Variants in ITCH observed in about 807,000 individuals in gnomAD.
ITCH encodes itchy E3 ubiquitin protein ligase.
In ITCH, 28 loss-of-function variants were observed where a neutral mutation model predicts 126.8. That is an observed-to-expected ratio of 0.22 (90% CI 0.16 to 0.30). The LOEUF is 0.30. ITCH is among the 10% of genes least tolerant of loss of function. ITCH has a pLI of 1.00. For synonymous variants in ITCH, 342 were observed against 340.0 expected (o/e 1.01, Z -0.06); for missense variants, 631 against 1,032.4 (o/e 0.61, Z 5.33).
At position 34,456,214 on chromosome 20, in the gene ITCH, A is replaced by ATT. The variant is rs1174099069; in HGVS notation, c.1211-1149_1211-1148dup. On this transcript the variant is annotated intron_variant, in intron 12 of 24. Transcript: ENST00000374864. Reference sequence around the variant, plus strand: ...TATATATATATATATATATATATATATTTTTTTTTTTTTTTTTTTTTTTTT... The same window carrying ATT: ...TATATATATATATATATATATATATATTTTTTTTTTTTTTTTTTTTTTTTTTT... 8.5e-4 allele frequency among the ~76,000 whole-genome samples: 15 copies of ATT among 17,718 alleles called. 3 individuals carry two copies. Among genetic ancestry groups the ATT allele is most frequent in the Admixed American group, 1.2e-3 (1 of 860 alleles). The allele number at this position is 17,718 out of a possible 152,430, so 11.6% of individuals were successfully genotyped here.
chr20:34,376,039 T>G (rs2037831410), intron 2 of ITCH, among the ~76,000 whole-genome samples: 2 of 152,062 alleles, frequency 1.3e-5, no homozygotes, highest in South Asian at 4.1e-4. Flanking sequence ...GTAAGAAATT[T>G]TTATTGTTAA....
chr20:34,510,161 A>C lies in ITCH; in HGVS notation c.*2367A>C, dbSNP rs1978617370. On this transcript the variant is annotated 3_prime_UTR_variant, in exon 25 of 25. Transcript: ENST00000374864. ...TTGCAGCCTGGGATCTCCCTACTCC[A>C]TTTTTTCCTTTAATTTAAGTGGCCA... The C allele has an allele frequency of 6.6e-6, 1 of 152,396 alleles. No homozygotes were observed. The highest frequency in any genetic ancestry group is 6.6e-5 in the Admixed American group (1 of 15,258). 9.4% of individuals were successfully genotyped at this position (152,396 alleles called of 1,614,324 possible). A position where few individuals can be genotyped will look rare whatever the true frequency, so the allele number is the denominator to read the frequency against.
At chr20:34,472,975 A>G (rs903261656) in intron 16 of ITCH, among the ~76,000 whole-genome samples, 5 of 152,214 alleles carry the variant, frequency 3.3e-5, no homozygotes, top group Non-Finnish European at 5.9e-5. Context: ...AAGATGCAAA[A>G]CATGATTAAA....
intron 3 of ITCH, among the ~76,000 whole-genome samples, chr20:34,397,738 C>T (rs773179961): frequency 1.3e-5 from 2 of 151,784 alleles, no homozygotes; most frequent in Non-Finnish European, 2.9e-5. Flanking sequence ...TTTTTTTCCC[C>T]ACCCCTCATC....
chr20:34,423,408 G>C (rs1981060746), intron 6 of ITCH, among the ~76,000 whole-genome samples: 2 of 152,136 alleles, frequency 1.3e-5, no homozygotes, highest in Non-Finnish European at 2.9e-5. Flanking sequence ...CACCAATTAT[G>C]CTTTTTTGTA....
chr20:34,471,298 G>A (rs1987598920), intron 15 of ITCH, 146 bp from the exon 16 acceptor site: 1 of 658,650 alleles, frequency 1.5e-6, no homozygotes, highest in Non-Finnish European at 2.7e-6. Context: ...CAGATGCATT[G>A]GTAAACATTA....
intron 6 of ITCH, among the ~76,000 whole-genome samples, chr20:34,421,673 C>G (rs1305676594): frequency 6.6e-6 from 1 of 152,034 alleles, no homozygotes; most frequent in Non-Finnish European, 1.5e-5. Context: ...TTATGCCATA[C>G]ATTTCATAGT....
At chr20:34,375,549 C>G (rs1385242321) in intron 2 of ITCH, among the ~76,000 whole-genome samples, 5 of 151,696 alleles carry the variant, frequency 3.3e-5, no homozygotes, top group African/African-American at 4.8e-5. Context: ...GCCTGGATAA[C>G]ATAGTGAGAC....
At position 34,507,902 on chromosome 20, in the gene ITCH, T is replaced by A. The variant is rs1978336792; in HGVS notation, c.*108T>A. 5.1e-6 allele frequency: 4 copies of A among 781,374 alleles called. No individual in the cohort carries two copies. In the South Asian group the frequency reaches 5.7e-5, roughly 11 times the overall value. The allele number at this position is 781,374 out of a possible 1,614,324, so 48.4% of individuals were successfully genotyped here. A position where few individuals can be genotyped will look rare whatever the true frequency, so the allele number is the denominator to read the frequency against. ...TGGACAATGGCTCTTTAGAGAGTTA[T>A]CTGAGTGTAAGTAAATTAATGTTCT... On this transcript the variant is annotated 3_prime_UTR_variant, in exon 25 of 25. Transcript: ENST00000374864.
chr20:34,462,018 C>T, intron 13 of ITCH, 75 bp from the exon 14 acceptor site: 1 of 1,420,334 alleles, frequency 7.0e-7, no homozygotes, highest in Non-Finnish European at 9.9e-7. Context: ...TGTTTATTGA[C>T]ATTTGTAGCT....
At chr20:34,391,013 A>G (rs2038470829) in intron 2 of ITCH, among the ~76,000 whole-genome samples, 1 of 152,190 alleles carries the variant, frequency 6.6e-6, no homozygotes, top group African/African-American at 2.4e-5. Flanking sequence ...TTGGCCTCCC[A>G]GAGTGCTGGG....
intron 7 of ITCH, among the ~76,000 whole-genome samples, chr20:34,429,030 C>T (rs1981935663): frequency 1.3e-5 from 2 of 152,076 alleles, no homozygotes; most frequent in South Asian, 2.1e-4. Context: ...CTCCACCTCC[C>T]GGATTCAAGT....
intron 1 of ITCH, among the ~76,000 whole-genome samples, chr20:34,368,018 C>G (rs2037481434): frequency 6.6e-6 from 1 of 152,092 alleles, no homozygotes; most frequent in Non-Finnish European, 1.5e-5. Context: ...TGCCTGTAAT[C>G]CCAGCATTTT....
intron 13 of ITCH, among the ~76,000 whole-genome samples, chr20:34,461,684 C>G (rs1168841469): frequency 3.5e-5 from 5 of 143,206 alleles, no homozygotes; most frequent in Non-Finnish European, 7.5e-5. Flanking sequence ...GCACTCCAGC[C>G]TGGGCGACAG....
chr20:34,416,910 G>GC (rs1555864379), intron 6 of ITCH, among the ~76,000 whole-genome samples: 1 of 109,888 alleles, frequency 9.1e-6, no homozygotes, highest in Non-Finnish European at 1.8e-5. Context: ...CCTCTTCCTA[G>GC]CTTTTTTTTT....
At position 34,377,089 on chromosome 20, in the gene ITCH, C is replaced by T. The variant is rs546446381; in HGVS notation, c.-22+7619C>T. Among the ~76,000 whole-genome samples, 15 of 152,142 alleles carry T rather than the reference C, an allele frequency of 9.9e-5. No homozygotes were observed. The East Asian group carries it at 2.9e-3, about 29-fold the overall frequency. ...TGCACAAGTAGAATAGAAAGAAAAA[C>T]CAGGCCAGGCATGGTGGCTCACACC... On this transcript the variant is annotated intron_variant, in intron 2 of 24. Coordinates refer to ENST00000374864, the MANE Select transcript of ITCH (RefSeq NM_031483.7).
At chr20:34,471,673 GGT>G (rs10606931) in intron 16 of ITCH, among the ~76,000 whole-genome samples, 158 bp downstream of exon 16, 849 of 69,324 alleles carry the variant, frequency 0.012, 3 homozygotes, top group African/African-American at 0.016. Flanking sequence ...GGGCTTAAGG[GGT>G]GTGTGTGTGT....
chr20:34,480,924 C>G (rs1290081140), intron 19 of ITCH, 142 bp from the exon 20 acceptor site: 8 of 1,061,498 alleles, frequency 7.5e-6, no homozygotes, highest in Non-Finnish European at 1.1e-5. Flanking sequence ...ATAATATGAC[C>G]TTAGAACAGA....
chr20:34,407,949 G>A (rs1978367256), intron 3 of ITCH, among the ~76,000 whole-genome samples: 1 of 152,182 alleles, frequency 6.6e-6, no homozygotes, highest in Admixed American at 6.5e-5. Flanking sequence ...TGTTGACCAT[G>A]TTTGTCAATG....
Sources: gnomAD v4.1 joint callset for allele counts (sites outside exome capture counted in the v4.1 genomes callset) on GRCh38, gnomAD v4.1.1 for gene constraint, MANE v1.5 for transcripts, NCBI Gene and HGNC (gene_info 2026-07-23, HGNC 2026-07-21) for gene names.